WNK4: variants seen among roughly 807,000 people sequenced by gnomAD.
WNK4 encodes the protein serine/threonine-protein kinase WNK4.
A neutral mutation model predicts 116.2 loss-of-function variants in WNK4; 94 were observed. The observed-to-expected ratio is 0.81, with a 90% CI of 0.68 to 0.96. The LOEUF (loss-of-function observed/expected upper bound fraction) is 0.96, where lower values mean the gene tolerates loss of function less well. WNK4 is among the 40% of genes least tolerant of loss of function. The probability of loss-of-function intolerance (pLI) is 0.00; values close to 1 mark genes in which losing one functional copy is unlikely to be tolerated. For synonymous variants in WNK4, 655 were observed against 672.7 expected, an observed-to-expected ratio of 0.97 and a Z score of 0.41; for missense variants, 1,542 against 1,650.6, an observed-to-expected ratio of 0.93 and a Z score of 1.14.
chr17:42,788,201 A>T lies in WNK4; in HGVS notation c.1922+13A>T. The T allele has an allele frequency of 4.3e-6, 7 of 1,614,084 alleles. No individual in the cohort carries two copies. Among genetic ancestry groups the T allele is most frequent in the Non-Finnish European group, 5.9e-6 (7 of 1,180,004 alleles). ...CCCCCGGGGACAGGTATGTTCTGGT[A>T]CAAGTTGGGGTGCCAGGGTGAGACA... On this transcript the variant is annotated intron_variant, in intron 9 of 18. Coordinates refer to ENST00000246914, the MANE Select transcript of WNK4 (RefSeq NM_032387.5).
In WNK4 at chr17:42,784,397, C is replaced by G. The variant is rs1160751324; in HGVS notation, c.1013-25C>G. ...GGACGAGGCCAGAGTGCCCAGCAAT[C>G]TGATCCCTGCTGTGGACCCTACAGG... is the stretch of plus-strand genomic sequence containing the variant. On this transcript the variant is annotated intron_variant, in intron 3 of 18. Coordinates refer to ENST00000246914, the MANE Select transcript of WNK4 (RefSeq NM_032387.5). This position sits in a 1 kb window ranked among gnomAD's most constrained non-coding sequence, Gnocchi z 4.4. 1.2e-6 allele frequency: 2 copies of G among 1,610,856 alleles called. No homozygotes were observed. Among genetic ancestry groups the G allele is most frequent in the Non-Finnish European group, 1.7e-6 (2 of 1,178,738 alleles).
In WNK4 at chr17:42,795,904, A is replaced by C; in HGVS notation, c.3302A>C (p.Gln1101Pro). The change falls in exon 16 of 19, where the codon CAA becomes CCA. Residue 1101 changes from glutamine to proline, a missense_variant. Physicochemically the swap from Gln to Pro is moderately conservative, Grantham distance 76. Transcript: ENST00000246914. The part of the protein sequence containing the change: ...GKEPQVGGSP[Q>P]PLSHPSPVWM... ...GAACCCCAAGTTGGGGGCAGCCCCC[A>C]ACCCCTGAGCCATCCCAGCCCAGTG... The C allele has an allele frequency of 6.2e-7, 1 of 1,611,608 alleles. No individual in the cohort carries two copies. The highest frequency in any genetic ancestry group is 8.5e-7 in the Non-Finnish European group (1 of 1,178,512).
rs1597902870 is a variant in WNK4, at chr17:42,793,775, T to G, written c.2295+46T>G. ...CTTCCAGGGGAAATGGACTCTCTGC[T>G]CCAGGGTTTATTACTCTCTGCCCTC... On this transcript the variant is annotated intron_variant, in intron 12 of 18. Transcript: ENST00000246914. 2.5e-6 allele frequency: 4 copies of G among 1,611,820 alleles called. No individual in the cohort carries two copies. In the East Asian group the frequency reaches 8.9e-5, roughly 36 times the overall value.
In WNK4 at chr17:42,793,892, G is replaced by A. The variant is rs576276612; in HGVS notation, c.2295+163G>A. 15 of 865,766 alleles carry A rather than the reference G, an allele frequency of 1.7e-5. No homozygotes were observed. In the East Asian group the frequency reaches 2.8e-4, roughly 16 times the overall value. 53.6% of individuals were successfully genotyped at this position (865,766 alleles called of 1,614,324 possible). ...TTTTGAGATGGAGTCTCACTCTGTC[G>A]CCCAGGCTGGAGTGCAGTGGCACGA... On this transcript the variant is annotated intron_variant, in intron 12 of 18. Transcript: ENST00000246914.
Position 42,788,379 on chromosome 17 carries a change from G to C in WNK4, c.2012G>C (p.Arg671Thr). 3.1e-6 allele frequency: 5 copies of C among 1,613,168 alleles called. No individual in the cohort carries two copies. Among genetic ancestry groups the C allele is most frequent in the Non-Finnish European group, 4.2e-6 (5 of 1,180,028 alleles). The change falls in exon 10 of 19, where the codon AGA becomes ACA. Residue 671 changes from arginine (R) to threonine (T), a missense_variant. Physicochemically the swap from Arg to Thr is moderately conservative, Grantham distance 71. Transcript: ENST00000246914. ...RRPPGRNLRR[R>T]PRSRLRVTSV... ...CCCCCAGGGAGGAATCTCCGGCGCA[G>C]ACCCCGATCCCGGCTGCGGGTCACT... is the stretch of plus-strand genomic sequence containing the variant.
chr17:42,788,833 T>A, intron 11 of WNK4, 36 bp downstream of exon 11: 1 of 1,561,640 alleles, frequency 6.4e-7, no homozygotes, highest in Non-Finnish European at 8.8e-7. Context: ...AGTGTTTGGA[T>A]CTGGAACAAG....
rs1420827959 is a variant in WNK4 at position 42,795,132 on chromosome 17, C to T, written c.2711C>T (p.Pro904Leu). Reference sequence around the variant, plus strand: ...TGTTCTCAGGTCACTCTTAGTTCCCCTTTCTTTCCTCCGTGCCCCTCCACT... The same window carrying T: ...TGTTCTCAGGTCACTCTTAGTTCCCTTTTCTTTCCTCCGTGCCCCTCCACT... ...PTCSQVTLSSPFFPPCPSTSS... is the reference protein window; with the variant it reads ...PTCSQVTLSSLFFPPCPSTSS... Residue 904 changes from proline to leucine, a missense_variant, in exon 14 of 19, where the codon CCT (proline) becomes CTT (leucine). Pro to Leu is a moderately conservative substitution (Grantham distance 98, BLOSUM62 -3). Coordinates refer to ENST00000246914, the MANE Select transcript of WNK4 (RefSeq NM_032387.5). 1.2e-6 allele frequency: 2 copies of T among 1,613,968 alleles called. No individual in the cohort carries two copies. The highest frequency in any genetic ancestry group is 2.7e-5 in the African/African-American group (2 of 74,892).
intron 11 of WNK4, among the ~76,000 whole-genome samples, chr17:42,793,315 A>T (rs1413685416): frequency 1.3e-5 from 2 of 151,930 alleles, no homozygotes; most frequent in Non-Finnish European, 2.9e-5. Context: ...GGTTCAAGTG[A>T]TTCTCCCGTC....
Position 42,796,011 on chromosome 17 carries a change from G to C in WNK4, c.3409G>C (p.Glu1137Gln). ...SSGEDEEFWA[E>Q]LQSLRQKHLS... ...TGGGGAAGATGAGGAGTTCTGGGCT[G>C]AGCTGCAGAGTCTTCGGCAGAAGTG... Residue 1137 changes from glutamate to glutamine, a missense_variant, in exon 16 of 19, where the codon GAG becomes CAG. By Grantham distance (29) the Glu-to-Gln change is conservative. Coordinates refer to ENST00000246914, the MANE Select transcript of WNK4 (RefSeq NM_032387.5). 6.2e-7 allele frequency: 1 copy of C among 1,613,896 alleles called. No individual in the cohort carries two copies. The highest frequency in any genetic ancestry group is 8.5e-7 in the Non-Finnish European group (1 of 1,180,020).
In WNK4 at chr17:42,784,228, C is replaced by T. The variant is rs1162128072; in HGVS notation, c.1012+71C>T. On this transcript the variant is annotated intron_variant, in intron 3 of 18. Transcript: ENST00000246914. This position sits in a 1 kb window ranked among gnomAD's most constrained non-coding sequence, Gnocchi z 4.4. ...TCAGAAGAGAACCTGGGGACTCCCT[C>T]CCCTCAGCAAGGGCCTTCAAGGTCC... 2.5e-6 allele frequency: 4 copies of T among 1,589,706 alleles called. No homozygotes were observed. Among genetic ancestry groups the T allele is most frequent in the Non-Finnish European group, 3.4e-6 (4 of 1,167,068 alleles).
rs1329422185 is a variant in WNK4, at chr17:42,787,833, C to A, written c.1797C>A (p.Asp599Glu). The A allele has an allele frequency of 6.2e-7, 1 of 1,612,452 alleles. No individual in the cohort carries two copies. Among genetic ancestry groups the A allele is most frequent in the Non-Finnish European group, 8.5e-7 (1 of 1,180,026 alleles). Residue 599 changes from aspartate (D) to glutamate (E), a missense_variant, in exon 8 of 19, where the codon GAC becomes GAA. Transcript: ENST00000246914. ...LSSSGFLDAS[D>E]PALQPPGGVP... Reference sequence around the variant, plus strand: ...CCTCCGGCTTCCTGGATGCCTCAGACCCTGCCCTTCAGCCCCCTGGGGGGG... The same window carrying A: ...CCTCCGGCTTCCTGGATGCCTCAGAACCTGCCCTTCAGCCCCCTGGGGGGG...
Position 42,783,925 on chromosome 17 carries a change from G to T in WNK4, c.792-12G>T, listed in dbSNP as rs1403662151. 6.2e-7 allele frequency: 1 copy of T among 1,610,872 alleles called. No individual in the cohort carries two copies. Among genetic ancestry groups the T allele is most frequent in the East Asian group, 2.2e-5 (1 of 44,756 alleles). ...CCCCCCACCAGGACTCTGGCTATGCGCCCTCCCCCAGGTACCTGAGGCGGT... is the reference window on the plus strand; with the variant it reads ...CCCCCCACCAGGACTCTGGCTATGCTCCCTCCCCCAGGTACCTGAGGCGGT... On this transcript the variant is annotated splice_polypyrimidine_tract_variant and intron_variant, in intron 2 of 18. Coordinates refer to ENST00000246914, the MANE Select transcript of WNK4 (RefSeq NM_032387.5).
Position 42,782,162 on chromosome 17 carries a change from G to C in WNK4, c.619-596G>C, listed in dbSNP as rs1196982012. ...TTGCGCCTGCCAGTGCCGCGCCCCA[G>C]GCTCTGGGCCAGGCCAGGAGAGGCA... On this transcript the variant is annotated intron_variant, in intron 1 of 18. Coordinates refer to ENST00000246914, the MANE Select transcript of WNK4 (RefSeq NM_032387.5). The surrounding 1 kb of genome is among the most constrained non-coding windows in gnomAD (Gnocchi z 4.2). Among the ~76,000 whole-genome samples the C allele has an allele frequency of 6.6e-6, 1 of 152,122 alleles. No individual in the cohort carries two copies. The highest frequency in any genetic ancestry group is 2.4e-5 in the African/African-American group (1 of 41,434).
chr17:42,785,369 C>A lies in WNK4; in HGVS notation c.1363C>A (p.Leu455Ile). 2 of 1,605,940 alleles carry A rather than the reference C, an allele frequency of 1.2e-6. 1 individual carries two copies. The change falls in exon 6 of 19, where the codon CTC (leucine) becomes ATC (isoleucine). Residue 455 changes from leucine to isoleucine, a missense_variant. This residue lies in a region of WNK4 where 808 missense variants were observed against 873.6 expected (regional missense o/e 0.92). Transcript: ENST00000246914. Reference sequence around the variant, plus strand: ...CGACGGCGAGAAGCCGGGCCTCAAGCTCTGGCTGCGCATGGAGGACGCGCG... The same window carrying A: ...CGACGGCGAGAAGCCGGGCCTCAAGATCTGGCTGCGCATGGAGGACGCGCG... ...EDDGEKPGLK[L>I]WLRMEDARRG...
chr17:42,787,417 C>G lies in WNK4; in HGVS notation c.1616C>G (p.Pro539Arg). ...GAGGCACTCCCACCAGAGCCAGGAC[C>G]TCCACCAGCAACTGTGCCCATGGCC... ...ELEALPPEPG[P>R]PPATVPMAPG... The change falls in exon 7 of 19, where the codon CCT becomes CGT. Residue 539 changes from proline (P) to arginine (R), a missense_variant. This residue lies in a region of WNK4 where 808 missense variants were observed against 873.6 expected (regional missense o/e 0.92). Transcript: ENST00000246914. 6.2e-7 allele frequency: 1 copy of G among 1,614,190 alleles called. No individual in the cohort carries two copies. The highest frequency in any genetic ancestry group is 1.1e-5 in the South Asian group (1 of 91,078).
Position 42,787,077 on chromosome 17 carries a change from G to A in WNK4, c.1477-201G>A, listed in dbSNP as rs77072651. On this transcript the variant is annotated intron_variant, in intron 6 of 18. Coordinates refer to ENST00000246914, the MANE Select transcript of WNK4 (RefSeq NM_032387.5). ...GCTACTTCATTAATCTCTAAAAATC[G>A]AATGGTAAGATTTATCCCACAAGGT... 0.025 allele frequency among the ~76,000 whole-genome samples: 3,881 copies of A among 152,220 alleles called. 154 individuals are homozygous for A. The highest frequency in any genetic ancestry group is 0.1 in the South Asian group (500 of 4,820).
At position 42,784,136 on chromosome 17, in the gene WNK4, T is replaced by C; in HGVS notation, c.991T>C (p.Ser331Pro). 1 of 1,607,358 alleles carries C rather than the reference T, an allele frequency of 6.2e-7. No homozygotes were observed. Among genetic ancestry groups the C allele is most frequent in the Non-Finnish European group, 8.5e-7 (1 of 1,179,982 alleles). Reference sequence around the variant, plus strand: ...GGGCCTGGCCACGCTCAAGCGCGCCTCCTTTGCCAAGAGTGTCATCGGTGC... The same window carrying C: ...GGGCCTGGCCACGCTCAAGCGCGCCCCCTTTGCCAAGAGTGTCATCGGTGC... ...DLGLATLKRA[S>P]FAKSVIGTPE... is the part of the protein sequence containing the mutation. The change falls in exon 3 of 19, where the codon TCC becomes CCC. Residue 331 changes from serine to proline, a missense_variant. This residue lies in a region of WNK4 where 808 missense variants were observed against 873.6 expected (regional missense o/e 0.92). Transcript: ENST00000246914. The surrounding 1 kb of genome is among the most constrained non-coding windows in gnomAD (Gnocchi z 4.4).
Position 42,783,966 on chromosome 17 carries a change from C to G in WNK4, c.821C>G (p.Pro274Arg). 6.2e-7 allele frequency: 1 copy of G among 1,613,910 alleles called. No individual in the cohort carries two copies. The highest frequency in any genetic ancestry group is 1.1e-5 in the South Asian group (1 of 91,086). The change falls in exon 3 of 19, where the codon CCG becomes CGG. Residue 274 changes from proline (P) to arginine (R), a missense_variant. Physicochemically the swap from Pro to Arg is moderately radical, Grantham distance 103. This residue lies in a region of WNK4 where 808 missense variants were observed against 873.6 expected (regional missense o/e 0.92). Coordinates refer to ENST00000246914, the MANE Select transcript of WNK4 (RefSeq NM_032387.5). ...TYLRRFREMK[P>R]RVLQRWSRQI... ...CTGAGGCGGTTCCGGGAGATGAAGC[C>G]GCGGGTCCTTCAGCGCTGGAGCCGC...
chr17:42,792,329 C>T (rs986098116), intron 11 of WNK4, among the ~76,000 whole-genome samples: 3 of 152,182 alleles, frequency 2.0e-5, no homozygotes, highest in Non-Finnish European at 4.4e-5. Flanking sequence ...TCCAGCTTCC[C>T]CCTATCCCCA....
Sources: gnomAD v4.1 joint callset for allele counts (sites outside exome capture counted in the v4.1 genomes callset) on GRCh38, gnomAD v4.1.1 for gene constraint, gnomAD v4.1.1 regional missense constraint, Gnocchi (gnomAD v3.1) non-coding constraint, MANE v1.5 for transcripts, NCBI Gene and HGNC (gene_info 2026-07-23, HGNC 2026-07-21) for gene names.